Variants in FOXN4 observed in about 807,000 individuals in gnomAD.
The protein encoded by FOXN4 is forkhead box N4.
A neutral mutation model predicts 45.0 loss-of-function variants in FOXN4; 12 were observed. The observed-to-expected ratio is 0.27, with a 90% CI of 0.17 to 0.43. The LOEUF is 0.43. Among genes scored for constraint, FOXN4 ranks in the 20% least tolerant of loss-of-function variants. The pLI is 1.00. For synonymous variants in FOXN4, 297 were observed against 295.0 expected (o/e 1.01, Z -0.07); for missense variants, 560 against 694.9 (o/e 0.81, Z 2.18).
chr12:109,305,422 T>C (rs1232266913), intron 2 of FOXN4, among the ~76,000 whole-genome samples: 2 of 152,188 alleles, frequency 1.3e-5, no homozygotes, highest in Non-Finnish European at 2.9e-5. Flanking sequence ...CTGGATACTC[T>C]GGCTGTTGGA....
intron 2 of FOXN4, among the ~76,000 whole-genome samples, chr12:109,292,984 C>G (rs1289588299): frequency 6.6e-6 from 1 of 152,170 alleles, no homozygotes; most frequent in African/African-American, 2.4e-5. Flanking sequence ...TCTGGCTCCC[C>G]CTTCCTGCAG....
At position 109,285,329 on chromosome 12, in the gene FOXN4, G is replaced by A; in HGVS notation, c.876C>T (p.Ala292=). The change falls in exon 8 of 10, where the codon GCC becomes GCT. Residue 292 remains alanine (A), a synonymous_variant. Transcript: ENST00000299162. The part of the protein sequence containing the change: ...MHKWKRKDLA[A]IHRSMANPEE... ...CAGGGTTGGCCATACTCCGGTGGAT[G>A]GCAGCCAGGTCCTTCCTCTTCCACT... is the stretch of plus-strand genomic sequence containing the variant. 1 of 1,612,406 alleles carries A rather than the reference G, an allele frequency of 6.2e-7. No homozygotes were observed. Among genetic ancestry groups the A allele is most frequent in the Non-Finnish European group, 8.5e-7 (1 of 1,179,444 alleles).
chr12:109,292,685 G>A (rs995184602), intron 2 of FOXN4, among the ~76,000 whole-genome samples: 10 of 152,150 alleles, frequency 6.6e-5, no homozygotes, highest in Admixed American at 2.6e-4. Context: ...CAGGGGGCTG[G>A]AAGTACACTG....
In FOXN4 at chr12:109,281,542, G is replaced by T; in HGVS notation, c.1159C>A (p.Leu387Met). The T allele has an allele frequency of 3.1e-6, 5 of 1,613,230 alleles. No individual in the cohort carries two copies. Among genetic ancestry groups the T allele is most frequent in the Non-Finnish European group, 4.2e-6 (5 of 1,179,594 alleles). Residue 387 changes from leucine (L) to methionine (M), a missense_variant, in exon 9 of 10, where the codon CTG becomes ATG. Leu to Met is a conservative substitution (Grantham distance 15). Coordinates refer to ENST00000299162, the MANE Select transcript of FOXN4 (RefSeq NM_213596.3). ...APAQTPPLHA[L>M]PDLSPSPLPH... is the part of the protein sequence containing the mutation. ...AGCGGGCTGGGGCTGAGGTCCGGCA[G>T]GGCGTGCAGTGGCGGGGTCTGGGCT...
At chr12:109,305,237 C>A (rs912120041) in intron 2 of FOXN4, among the ~76,000 whole-genome samples, 1 of 152,152 alleles carries the variant, frequency 6.6e-6, no homozygotes. Flanking sequence ...TTTCCTCATT[C>A]ACCAAATGGG....
chr12:109,286,301 CT>C (rs1323971555), intron 7 of FOXN4, among the ~76,000 whole-genome samples: 3 of 152,218 alleles, frequency 2.0e-5, no homozygotes, highest in African/African-American at 2.4e-5. Context: ...TTCTCCACCC[CT>C]GACAGATGAG....
chr12:109,287,474 G>T lies in FOXN4; in HGVS notation c.519C>A (p.Tyr173Ter). 1 of 1,550,496 alleles carries T rather than the reference G, an allele frequency of 6.4e-7. No homozygotes were observed. The highest frequency in any genetic ancestry group is 2.4e-5 in the East Asian group (1 of 40,912). ...YGPPFGVRPP[Y>*]PQPHVAVHSS... ...AATGCACAGCCACGTGGGGCTGGGG[G>T]TAGGGGGGCCGCACCCCAAATGGGG... Residue 173 changes from tyrosine (Y) to a stop codon, truncating the protein, a stop_gained, in exon 6 of 10, where the codon TAC becomes TAA. Transcript: ENST00000299162. LOFTEE classifies it high-confidence loss of function. The surrounding 1 kb of genome is among the most constrained non-coding windows in gnomAD (Gnocchi z 4.1).
At chr12:109,298,702 T>A (rs1257557012) in intron 2 of FOXN4, among the ~76,000 whole-genome samples, 2 of 152,154 alleles carry the variant, frequency 1.3e-5, no homozygotes, top group African/African-American at 4.8e-5. Flanking sequence ...CCGACATTTG[T>A]GGGAGAAACC....
rs1439240192 is a variant in FOXN4, at chr12:109,279,790, A to G, written c.1435T>C (p.Leu479=). 5.0e-6 allele frequency: 8 copies of G among 1,608,608 alleles called. No homozygotes were observed. Among genetic ancestry groups the G allele is most frequent in the Non-Finnish European group, 6.8e-6 (8 of 1,177,472 alleles). ...GCTGTGTAGAGACCCGTCACCTGCA[A>G]GTCTGGGAAGGACTGGTCGCTGCCA... ...SGGSDQSFPD[L]QVTGLYTAYS... Residue 479 remains leucine, a synonymous_variant, in exon 10 of 10, where the codon TTG becomes CTG. Coordinates refer to ENST00000299162, the MANE Select transcript of FOXN4 (RefSeq NM_213596.3).
In FOXN4 at chr12:109,307,630, C is replaced by T. The variant is rs192589268; in HGVS notation, c.86+606G>A. On this transcript the variant is annotated intron_variant, in intron 2 of 9. Coordinates refer to ENST00000299162, the MANE Select transcript of FOXN4 (RefSeq NM_213596.3). ...GGCTCTGAAGGCTTCCATGCATCCT[C>T]TCAGTTGTACCTTGCTTCACCCTGT... Among the ~76,000 whole-genome samples, 8 of 150,536 alleles carry T rather than the reference C, an allele frequency of 5.3e-5. No homozygotes were observed. The East Asian group carries it at 1.5e-3, about 29-fold the overall frequency.
intron 2 of FOXN4, among the ~76,000 whole-genome samples, chr12:109,307,763 GC>G (rs1178333691): frequency 6.6e-6 from 1 of 152,194 alleles, no homozygotes; most frequent in Non-Finnish European, 1.5e-5. Context: ...AGGAAGTGAG[GC>G]CCAGGGCAAA....
chr12:109,281,263 G>A, intron 9 of FOXN4, 144 bp downstream of exon 9: 1 of 1,202,334 alleles, frequency 8.3e-7, no homozygotes, highest in Admixed American at 2.6e-5. Context: ...CCGGATTAGG[G>A]ATGTTCAACT....
At chr12:109,305,597 G>T (rs920876795) in intron 2 of FOXN4, among the ~76,000 whole-genome samples, 1 of 152,136 alleles carries the variant, frequency 6.6e-6, no homozygotes, top group Non-Finnish European at 1.5e-5. Context: ...AGGCACGGTT[G>T]CTCTCGCCTG....
intron 6 of FOXN4, chr12:109,286,954 A>C: frequency 7.9e-7 from 1 of 1,261,456 alleles, no homozygotes; most frequent in Non-Finnish European, 1.1e-6. Flanking sequence ...GGGCACAACA[A>C]TTGGTACTGA....
intron 2 of FOXN4, among the ~76,000 whole-genome samples, chr12:109,299,056 G>T (rs2047844367): frequency 6.6e-6 from 1 of 152,112 alleles, no homozygotes; most frequent in Admixed American, 6.5e-5. Flanking sequence ...TAGTTCAGGG[G>T]TCCCCAGGGT....
chr12:109,288,059 G>A lies in FOXN4; in HGVS notation c.354C>T (p.Asp118=), dbSNP rs779666062. 2.8e-5 allele frequency: 44 copies of A among 1,550,074 alleles called. No individual in the cohort carries two copies. The African/African-American group carries it at 5.5e-4, about 19-fold the overall frequency. The part of the protein sequence containing the change: ...PGLGPITGHR[D]SMSQFPVGGQ... ...CAGTCCATGCAGTGCCACTTACGCT[G>A]TCTCTGTGGCCAGTTATGGGGCCCA... Residue 118 remains aspartate (D), a synonymous_variant, in exon 4 of 10, where the codon GAC becomes GAT. Transcript: ENST00000299162. The surrounding 1 kb of genome is among the most constrained non-coding windows in gnomAD (Gnocchi z 4.3).
At position 109,281,690 on chromosome 12, in the gene FOXN4, C is replaced by T. The variant is rs773190888; in HGVS notation, c.1011G>A (p.Ala337=). ...VLTHATTVAV[A]HGCLAVSQLP... is the part of the protein sequence containing the mutation. The stretch of plus-strand genomic sequence containing the variant: ...GCTGGGAGACAGCCAGGCAGCCATG[C>T]GCCACGGCCACTGTGGTGGCGTGAG... The change falls in exon 9 of 10, where the codon GCG becomes GCA. Residue 337 remains alanine (A), a synonymous_variant. Coordinates refer to ENST00000299162, the MANE Select transcript of FOXN4 (RefSeq NM_213596.3). 12 of 1,610,234 alleles carry T rather than the reference C, an allele frequency of 7.5e-6. No homozygotes were observed. The highest frequency in any genetic ancestry group is 3.3e-5 in the South Asian group (3 of 90,604).
At position 109,279,745 on chromosome 12, in the gene FOXN4, C is replaced by T; in HGVS notation, c.1480G>A (p.Val494Met). The T allele has an allele frequency of 6.3e-7, 1 of 1,587,186 alleles. No homozygotes were observed. Among genetic ancestry groups the T allele is most frequent in the African/African-American group, 1.3e-5 (1 of 74,478 alleles). The change falls in exon 10 of 10, where the codon GTG becomes ATG. Residue 494 changes from valine (V) to methionine (M), a missense_variant. Coordinates refer to ENST00000299162, the MANE Select transcript of FOXN4 (RefSeq NM_213596.3). ...LYTAYSTPDS[V>M]AASGTSSSSQ... The stretch of plus-strand genomic sequence containing the variant: ...GAGGAGCTGGTGCCCGATGCAGCCA[C>T]ACTGTCCGGAGTGGAGTACGCTGTG...
rs926201563 is a variant in FOXN4, at chr12:109,279,551, C to A, written c.*120G>T. 6.9e-7 allele frequency: 1 copy of A among 1,450,022 alleles called. No individual in the cohort carries two copies. Among genetic ancestry groups the A allele is most frequent in the Non-Finnish European group, 9.2e-7 (1 of 1,086,776 alleles). 89.8% of individuals were successfully genotyped at this position (1,450,022 alleles called of 1,614,324 possible). ...CTTCCCTGTCCAGCCGGCAACTTCG[C>A]CACAGGTCCAGGAGAGGCTTCGGGG... On this transcript the variant is annotated 3_prime_UTR_variant, in exon 10 of 10. Coordinates refer to ENST00000299162, the MANE Select transcript of FOXN4 (RefSeq NM_213596.3).
Sources: allele counts gnomAD v4.1 joint callset (sites outside exome capture counted in the v4.1 genomes callset), GRCh38; gene constraint gnomAD v4.1.1; non-coding constraint Gnocchi (gnomAD v3.1); transcripts MANE v1.5; gene names NCBI Gene and HGNC (gene_info 2026-07-23, HGNC 2026-07-21).